Variants in GDPD1 observed in about 807,000 individuals in gnomAD.
GDPD1 encodes glycerophosphodiester phosphodiesterase domain containing 1, also known as lysophospholipase D GDPD1.
In GDPD1, 28 loss-of-function variants were observed where a neutral mutation model predicts 45.1. The observed-to-expected ratio is 0.62, with a 90% CI of 0.46 to 0.85. The LOEUF (loss-of-function observed/expected upper bound fraction) is 0.85, where lower values mean the gene tolerates loss of function less well. Ranked by LOEUF, GDPD1 falls within the 40% of genes least tolerant of loss-of-function variation. GDPD1 has a pLI of 0.00. For synonymous variants in GDPD1, 139 were observed against 131.4 expected, an observed-to-expected ratio of 1.06 and a Z score of -0.40; for missense variants, 256 against 364.8, an observed-to-expected ratio of 0.70 and a Z score of 2.43.
intron 1 of GDPD1, 131 bp from the exon 2 acceptor site, chr17:59,234,360 CA>C: frequency 3.3e-6 from 2 of 602,590 alleles, no homozygotes; most frequent in East Asian, 3.0e-5. Context: ...CAAAAAAACC[CA>C]AAAAAACACT....
At position 59,255,797 on chromosome 17, in the gene GDPD1, G is replaced by GTA. The variant is rs1291959577; in HGVS notation, c.368-1312_368-1311dup. On this transcript the variant is annotated intron_variant, in intron 4 of 9. Coordinates refer to ENST00000284116, the MANE Select transcript of GDPD1 (RefSeq NM_182569.4). ...TATATATATATATACGCGTATATAT[G>GTA]TATATATATATATACGCGTATATAT... Among the ~76,000 whole-genome samples, 37 of 49,050 alleles carry GTA rather than the reference G, an allele frequency of 7.5e-4. 2 individuals are homozygous for GTA. Among genetic ancestry groups the GTA allele is most frequent in the South Asian group, 1.4e-3 (2 of 1,388 alleles). The allele number at this position is 49,050 out of a possible 152,430, so 32.2% of individuals were successfully genotyped here. A position where few individuals can be genotyped will look rare whatever the true frequency, so the allele number is the denominator to read the frequency against.
At chr17:59,234,386 CCAAAAA>C in intron 1 of GDPD1, 100 bp from the exon 2 acceptor site, 1 of 551,820 alleles carries the variant, frequency 1.8e-6, no homozygotes, top group Non-Finnish European at 3.1e-6. Flanking sequence ...ATGTCTACCC[CCAAAAA>C]AAAAAAAAAG....
At chr17:59,226,444 T>C (rs1372319664) in intron 1 of GDPD1, among the ~76,000 whole-genome samples, 1 of 152,206 alleles carries the variant, frequency 6.6e-6, no homozygotes, top group East Asian at 1.9e-4. Context: ...TAGTAGTTTT[T>C]TGTTTTTACG....
intron 1 of GDPD1, 101 bp downstream of exon 1, chr17:59,220,852 G>A: frequency 3.0e-6 from 4 of 1,313,140 alleles, no homozygotes; most frequent in South Asian, 1.3e-5. Flanking sequence ...GAGAGTTTGA[G>A]GAAGAATGGG....
intron 8 of GDPD1, among the ~76,000 whole-genome samples, chr17:59,271,778 T>G (rs938187326): frequency 1.3e-5 from 2 of 151,714 alleles, no homozygotes; most frequent in African/African-American, 4.8e-5. Flanking sequence ...GAACTATAGG[T>G]GCCTCCCACC....
At chr17:59,259,877 A>G (rs183860164) in intron 6 of GDPD1, among the ~76,000 whole-genome samples, 20 of 151,130 alleles carry the variant, frequency 1.3e-4, no homozygotes, top group African/African-American at 4.6e-4. Context: ...CCTAGGGAAC[A>G]TGAGGAAACC....
intron 4 of GDPD1, among the ~76,000 whole-genome samples, chr17:59,256,029 CA>C (rs922674358): frequency 1.3e-5 from 2 of 149,458 alleles, no homozygotes; most frequent in South Asian, 2.1e-4. Context: ...AAAAAAACAA[CA>C]AAAAAGGGAC....
intron 4 of GDPD1, among the ~76,000 whole-genome samples, chr17:59,251,348 GT>G (rs1322442602): frequency 6.6e-6 from 1 of 151,618 alleles, no homozygotes; most frequent in Non-Finnish European, 1.5e-5. Context: ...GTGAAACCCT[GT>G]TTCTACTAAA....
At chr17:59,270,197 CTT>C (rs763544418) in intron 7 of GDPD1, among the ~76,000 whole-genome samples, 12 of 143,048 alleles carry the variant, frequency 8.4e-5, no homozygotes, top group East Asian at 2.0e-4. Flanking sequence ...TTATTTTGTA[CTT>C]TTTTTTTTTT....
At chr17:59,227,222 C>T (rs1201737641) in intron 1 of GDPD1, among the ~76,000 whole-genome samples, 1 of 151,528 alleles carries the variant, frequency 6.6e-6, no homozygotes, top group African/African-American at 2.4e-5. Context: ...AGTTTGAGAC[C>T]AGCCTGGCCA....
chr17:59,269,287 G>A (rs1246327787), intron 7 of GDPD1, among the ~76,000 whole-genome samples: 2 of 151,650 alleles, frequency 1.3e-5, no homozygotes, highest in East Asian at 3.9e-4. Flanking sequence ...GCAAGACTCT[G>A]TCTCAAAAAA....
intron 3 of GDPD1, 130 bp downstream of exon 3, chr17:59,245,679 G>T: frequency 4.3e-6 from 3 of 693,416 alleles, no homozygotes; most frequent in Admixed American, 6.7e-5. Context: ...AAACATCAAA[G>T]GAAATTTTAA....
At chr17:59,267,822 A>G (rs556860177) in intron 7 of GDPD1, among the ~76,000 whole-genome samples, 1 of 151,438 alleles carries the variant, frequency 6.6e-6, no homozygotes, top group African/African-American at 2.4e-5. Flanking sequence ...GGCGCCCACC[A>G]CCTTGCCTGG....
intron 6 of GDPD1, among the ~76,000 whole-genome samples, chr17:59,258,794 G>A (rs929916762): frequency 3.3e-5 from 5 of 151,654 alleles, no homozygotes; most frequent in African/African-American, 4.9e-5. Flanking sequence ...ACTGTCTTGT[G>A]TTAGGTAATT....
chr17:59,241,528 A>G (rs2047175487), intron 2 of GDPD1, among the ~76,000 whole-genome samples: 1 of 152,040 alleles, frequency 6.6e-6, no homozygotes, highest in South Asian at 2.1e-4. Context: ...CATGTTAGCC[A>G]GGGTGGTCTT....
At chr17:59,224,238 G>T (rs2047027923) in intron 1 of GDPD1, among the ~76,000 whole-genome samples, 1 of 152,070 alleles carries the variant, frequency 6.6e-6, no homozygotes, top group African/African-American at 2.4e-5. Context: ...TGGGCCAATG[G>T]ATTTTCACAT....
rs1568351258 is a variant in GDPD1 at position 59,267,039 on chromosome 17, A to G, written c.577-2A>G. The stretch of plus-strand genomic sequence containing the variant: ...ACATGTAATATTGCTTGTGTCTTTT[A>G]GAATTCAGATATTCCTATACTCTTC... On this transcript the variant is annotated splice_acceptor_variant, in intron 6 of 9. Transcript: ENST00000284116. LOFTEE classifies it high-confidence loss of function. 2 of 1,605,074 alleles carry G rather than the reference A, an allele frequency of 1.2e-6. No homozygotes were observed. The highest frequency in any genetic ancestry group is 1.7e-6 in the Non-Finnish European group (2 of 1,175,306).
rs549662340 is a variant in GDPD1, at chr17:59,261,646, C to A, written c.576+3806C>A. Among the ~76,000 whole-genome samples, 13 of 151,898 alleles carry A rather than the reference C, an allele frequency of 8.6e-5. No homozygotes were observed. In the South Asian group the frequency reaches 2.7e-3, roughly 32 times the overall value. ...GTGTAGCTTGGACTACAGGTGCATGCCATCATGCCTGGCAAATTTTTTGAT... is the reference window on the plus strand; with the variant it reads ...GTGTAGCTTGGACTACAGGTGCATGACATCATGCCTGGCAAATTTTTTGAT... On this transcript the variant is annotated intron_variant, in intron 6 of 9. Coordinates refer to ENST00000284116, the MANE Select transcript of GDPD1 (RefSeq NM_182569.4).
At chr17:59,245,355 T>C in intron 2 of GDPD1, 59 bp from the exon 3 acceptor site, 1 of 1,406,814 alleles carries the variant, frequency 7.1e-7, no homozygotes, top group Non-Finnish European at 9.9e-7. Flanking sequence ...TTAGATCTCA[T>C]GCATGTAACC....
Sources: gnomAD v4.1 joint callset for allele counts (sites outside exome capture counted in the v4.1 genomes callset) on GRCh38, gnomAD v4.1.1 for gene constraint, MANE v1.5 for transcripts, NCBI Gene and HGNC (gene_info 2026-07-23, HGNC 2026-07-21) for gene names.